NRG4: variants seen among roughly 807,000 people sequenced by gnomAD.
NRG4 encodes neuregulin 4, also known as pro-neuregulin-4, membrane-bound isoform.
Under a neutral mutation model 15.0 loss-of-function variants are expected in NRG4, and 10 were observed. That is an observed-to-expected ratio of 0.67 (90% CI 0.41 to 1.13). The LOEUF (loss-of-function observed/expected upper bound fraction) is 1.13. NRG4 is among the 50% of genes most tolerant of loss of function. NRG4 has a pLI of 0.00. For missense variants in NRG4, 139 were observed against 140.2 expected, an observed-to-expected ratio of 0.99 and a Z score of 0.04; for synonymous variants, 41 against 50.1, an observed-to-expected ratio of 0.82 and a Z score of 0.77.
chr15:75,961,714 TA>T, intron 4 of NRG4, 113 bp downstream of exon 4: 1 of 738,206 alleles, frequency 1.4e-6, no homozygotes, highest in Non-Finnish European at 2.2e-6. Flanking sequence ...AAGAGATAAC[TA>T]AACATAATAC....
chr15:76,005,543 G>C (rs2034570456), intron 3 of NRG4, among the ~76,000 whole-genome samples: 1 of 151,728 alleles, frequency 6.6e-6, no homozygotes, highest in East Asian at 1.9e-4. Context: ...AAATTTAGCT[G>C]GGTGTCGTGG....
intron 3 of NRG4, among the ~76,000 whole-genome samples, chr15:75,994,589 G>A (rs939938338): frequency 2.0e-5 from 3 of 152,170 alleles, no homozygotes; most frequent in African/African-American, 2.4e-5. Context: ...AGGTATATGC[G>A]TATTTGATTA....
chr15:75,961,970 C>T lies in NRG4; in HGVS notation c.109G>A (p.Val37Ile), dbSNP rs74024031. Residue 37 changes from valine to isoleucine, a missense_variant, in exon 4 of 6, where the codon GTT (valine) becomes ATT (isoleucine). Transcript: ENST00000394907. ...PTIPSPFCRC[V>I]ENYTGARCEE... is the part of the protein sequence containing the mutation. The stretch of plus-strand genomic sequence containing the variant: ...CAACGAGCTCCTGTATAGTTTTCAA[C>T]GCACCTACAGAATAAAATTTTAGAT... 4,800 of 1,607,010 alleles carry T rather than the reference C, an allele frequency of 3.0e-3. 112 individuals carry two copies. The African/African-American group carries it at 0.055, about 18-fold the overall frequency.
intron 3 of NRG4, among the ~76,000 whole-genome samples, chr15:75,998,943 C>A (rs1193551042): frequency 1.3e-5 from 2 of 152,082 alleles, no homozygotes; most frequent in Non-Finnish European, 2.9e-5. Flanking sequence ...AAAGCAAGGA[C>A]AGCCAGGGTG....
At chr15:75,950,280 G>A (rs2031801190) in intron 5 of NRG4, among the ~76,000 whole-genome samples, 1 of 151,956 alleles carries the variant, frequency 6.6e-6, no homozygotes, top group Non-Finnish European at 1.5e-5. Context: ...TGATATATAG[G>A]AATACAATGG....
intron 5 of NRG4, among the ~76,000 whole-genome samples, chr15:76,026,661 A>G: frequency 6.6e-6 from 1 of 152,224 alleles, no homozygotes; most frequent in East Asian, 1.9e-4. Flanking sequence ...CCATTTCATT[A>G]CAGAAAACCA....
intron 3 of NRG4, among the ~76,000 whole-genome samples, chr15:75,975,645 ATTCTT>A (rs1292856021): frequency 6.6e-6 from 1 of 152,192 alleles, no homozygotes; most frequent in African/African-American, 2.4e-5. Context: ...TGGGTTGAAA[ATTCTT>A]TTCTTTAAGA....
intron 3 of NRG4, among the ~76,000 whole-genome samples, 155 bp downstream of exon 3, chr15:76,009,040 TTTTTG>T (rs1596019073): frequency 1.3e-5 from 2 of 152,218 alleles, no homozygotes; most frequent in African/African-American, 4.8e-5. Context: ...TTTTATTTTG[TTTTTG>T]TTTTGTTTTA....
intron 3 of NRG4, chr15:76,052,801 T>C (rs1277449313): frequency 6.6e-6 from 1 of 151,176 alleles, no homozygotes; most frequent in Non-Finnish European, 1.5e-5. Context: ...TACGAATTTG[T>C]ATTCCAGTCA....
rs979748013 is a variant in NRG4 at position 76,045,000 on chromosome 15, G to C, written c.-105+7067C>G. Among the ~76,000 whole-genome samples, 17 of 150,504 alleles carry C rather than the reference G, an allele frequency of 1.1e-4. 2 individuals are homozygous for C. The highest frequency in any genetic ancestry group is 4.0e-4 in the African/African-American group (16 of 40,248). On this transcript the variant is annotated intron_variant, in intron 4 of 8. Coordinates refer to the NRG4 transcript ENST00000563910. ...CACAGCAAAGGAAATAATCAAAAAA[G>C]AAACAACCCACAGAATGGAGAAAAT... is the stretch of plus-strand genomic sequence containing the variant.
At chr15:76,055,189 A>G (rs1404677799) in intron 2 of NRG4, among the ~76,000 whole-genome samples, 1 of 152,228 alleles carries the variant, frequency 6.6e-6, no homozygotes, top group African/African-American at 2.4e-5. Context: ...AGGTTGAGGC[A>G]GGAGAATTGC....
chr15:76,046,056 CTACT>C (rs2035861592), intron 4 of NRG4, among the ~76,000 whole-genome samples: 1 of 150,886 alleles, frequency 6.6e-6, no homozygotes, highest in Admixed American at 6.6e-5. Flanking sequence ...ATGTATATAC[CTACT>C]ATGTTCCCAC....
chr15:76,009,564 G>A (rs145727191), intron 2 of NRG4, among the ~76,000 whole-genome samples: 2,752 of 152,168 alleles, frequency 0.018, 29 homozygotes, highest in Non-Finnish European at 0.028. Flanking sequence ...ATCTATATTA[G>A]TTAGATTAAA....
At chr15:76,015,498 G>T (rs334947), upstream of NRG4, among the ~76,000 whole-genome samples, 14,660 of 152,016 alleles carry the variant, frequency 0.096, 1,738 homozygotes, top group African/African-American at 0.29. Context: ...TAGCTCTTAT[G>T]ATTTTTGACA....
chr15:76,042,584 T>A (rs991752695), intron 4 of NRG4, among the ~76,000 whole-genome samples: 1 of 152,072 alleles, frequency 6.6e-6, no homozygotes, highest in Non-Finnish European at 1.5e-5. Context: ...CCTAGACATA[T>A]ACAACCTACC....
chr15:75,964,997 G>A (rs558124101), intron 3 of NRG4, among the ~76,000 whole-genome samples: 4 of 152,244 alleles, frequency 2.6e-5, no homozygotes, highest in African/African-American at 7.2e-5. Flanking sequence ...AGGCCGAGGC[G>A]GGTGGATCAT....
intron 5 of NRG4, among the ~76,000 whole-genome samples, chr15:76,027,355 T>C (rs940775304): frequency 6.6e-5 from 10 of 151,838 alleles, no homozygotes; most frequent in African/African-American, 2.4e-4. Context: ...AATGGATCCA[T>C]TCAGCAAGAG....
At chr15:75,982,412 C>T (rs1053174134) in intron 3 of NRG4, among the ~76,000 whole-genome samples, 1 of 152,044 alleles carries the variant, frequency 6.6e-6, no homozygotes, top group Non-Finnish European at 1.5e-5. Flanking sequence ...AAAAAGCATT[C>T]GATAAAATTC....
At chr15:75,971,979 C>T (rs1255182915) in intron 3 of NRG4, among the ~76,000 whole-genome samples, 1 of 152,148 alleles carries the variant, frequency 6.6e-6, no homozygotes, top group African/African-American at 2.4e-5. Context: ...ATTTATACTC[C>T]CACAAATAGT....
Sources: gnomAD v4.1 joint callset for allele counts (sites outside exome capture counted in the v4.1 genomes callset) on GRCh38, gnomAD v4.1.1 for gene constraint, MANE v1.5 for transcripts, NCBI Gene and HGNC (gene_info 2026-07-23, HGNC 2026-07-21) for gene names.